SYN3: variants seen among roughly 807,000 people sequenced by gnomAD.
The protein encoded by SYN3 is synapsin III, also known as synapsin-3.
Under a neutral mutation model 65.8 loss-of-function variants are expected in SYN3, and 35 were observed. The ratio of observed to expected loss-of-function variants is 0.53; its 90% CI spans 0.41 to 0.70. The LOEUF (loss-of-function observed/expected upper bound fraction) is 0.70. Among genes scored for constraint, SYN3 ranks in the 30% least tolerant of loss-of-function variants. The pLI, the probability that SYN3 is intolerant of heterozygous loss-of-function variation, is 0.00. For missense variants in SYN3, 680 were observed against 749.0 expected (o/e 0.91, Z 1.08); for synonymous variants, 270 against 292.9 (o/e 0.92, Z 0.80).
chr22:32,830,775 A>T (rs951991751), intron 6 of SYN3, among the ~76,000 whole-genome samples: 25 of 151,980 alleles, frequency 1.6e-4, no homozygotes, highest in African/African-American at 5.8e-4. Flanking sequence ...CCGTGAGTGT[A>T]TCCGCCTCAC....
chr22:33,019,401 C>G (rs2053524893), intron 1 of SYN3, among the ~76,000 whole-genome samples: 1 of 152,156 alleles, frequency 6.6e-6, no homozygotes, highest in Non-Finnish European at 1.5e-5. Flanking sequence ...CAGACAGACT[C>G]TGGTTCCAAT....
intron 6 of SYN3, among the ~76,000 whole-genome samples, chr22:32,810,391 A>G (rs894368955): frequency 2.6e-5 from 4 of 152,266 alleles, no homozygotes; most frequent in East Asian, 3.9e-4. Context: ...ACAAGAAACT[A>G]TAAGTGTTTC....
intron 6 of SYN3, among the ~76,000 whole-genome samples, chr22:32,683,229 G>A (rs1249664033): frequency 3.9e-5 from 6 of 152,110 alleles, no homozygotes; most frequent in Admixed American, 6.5e-5. Context: ...TTTCTTCTGC[G>A]GAGGGGAGCG....
chr22:32,574,559 C>T (rs573214044), intron 7 of SYN3, among the ~76,000 whole-genome samples: 2 of 152,298 alleles, frequency 1.3e-5, no homozygotes, highest in African/African-American at 4.8e-5. Context: ...TAACATGCAC[C>T]TACAGGGGCT....
chr22:33,045,459 CTTTTTTTTTT>C (rs745442160), intron 1 of SYN3, among the ~76,000 whole-genome samples: 2 of 84,696 alleles, frequency 2.4e-5, no homozygotes, highest in Non-Finnish European at 2.4e-5. Flanking sequence ...GCTCTACTTT[CTTTTTTTTTT>C]TTTTTTTTTT....
intron 7 of SYN3, among the ~76,000 whole-genome samples, chr22:32,544,312 G>T (rs1465902489): frequency 6.6e-6 from 1 of 152,146 alleles, no homozygotes; most frequent in Non-Finnish European, 1.5e-5. Context: ...GCTTTTCATT[G>T]ATTCTTTATT....
intron 1 of SYN3, among the ~76,000 whole-genome samples, chr22:33,036,753 G>A (rs113705061): frequency 0.011 from 1,440 of 134,218 alleles, 9 homozygotes; most frequent in Middle Eastern, 0.025. Context: ...GGGCAATGCC[G>A]CGATCTCGGC....
intron 1 of SYN3, among the ~76,000 whole-genome samples, chr22:33,051,111 C>T (rs1044277567): frequency 1.3e-5 from 2 of 152,098 alleles, no homozygotes; most frequent in African/African-American, 4.8e-5. Context: ...AGGGAGAGAA[C>T]TGAGGCTCAG....
At chr22:32,632,072 A>G (rs1192949610) in intron 6 of SYN3, among the ~76,000 whole-genome samples, 1 of 152,222 alleles carries the variant, frequency 6.6e-6, no homozygotes, top group Non-Finnish European at 1.5e-5. Flanking sequence ...CCCTAGACAG[A>G]TAAAGGTCTT....
At chr22:32,985,999 G>A (rs1363892394) in intron 2 of SYN3, among the ~76,000 whole-genome samples, 10 of 151,820 alleles carry the variant, frequency 6.6e-5, no homozygotes, top group South Asian at 4.2e-4. Flanking sequence ...ACCACTTCAC[G>A]TTGTCATTAC....
At chr22:32,519,093 T>C (rs920608028) in intron 12 of SYN3, among the ~76,000 whole-genome samples, 3 of 152,138 alleles carry the variant, frequency 2.0e-5, no homozygotes, top group Non-Finnish European at 2.9e-5. Flanking sequence ...AGCACCTTGA[T>C]CTTGTACCTG....
intron 1 of SYN3, among the ~76,000 whole-genome samples, chr22:33,053,699 A>G (rs908488924): frequency 2.0e-5 from 3 of 152,140 alleles, no homozygotes; most frequent in Admixed American, 2.0e-4. Flanking sequence ...CAGCTTAAAC[A>G]TCACTATCTC....
At chr22:32,928,158 G>A (rs563408598) in intron 4 of SYN3, among the ~76,000 whole-genome samples, 17 of 152,020 alleles carry the variant, frequency 1.1e-4, no homozygotes, top group South Asian at 2.1e-4. Flanking sequence ...GTGAAACCCC[G>A]TCTGTACTAA....
intron 7 of SYN3, among the ~76,000 whole-genome samples, chr22:32,545,107 A>G (rs1188622255): frequency 6.6e-6 from 1 of 151,786 alleles, no homozygotes; most frequent in Non-Finnish European, 1.5e-5. Flanking sequence ...AGGGCTTTGT[A>G]CTCCTCGCTT....
chr22:32,541,164 C>T (rs1187910115), intron 8 of SYN3, among the ~76,000 whole-genome samples: 1 of 152,174 alleles, frequency 6.6e-6, no homozygotes, highest in Non-Finnish European at 1.5e-5. Context: ...TCTGCACCTC[C>T]CAGCCTCATG....
intron 4 of SYN3, among the ~76,000 whole-genome samples, chr22:32,892,657 G>A (rs1047322522): frequency 3.3e-5 from 5 of 152,130 alleles, no homozygotes; most frequent in African/African-American, 4.8e-5. Context: ...ATTCTGCTAG[G>A]TGGACATATA....
intron 4 of SYN3, among the ~76,000 whole-genome samples, chr22:32,907,057 G>A (rs1477703351): frequency 1.3e-5 from 2 of 152,104 alleles, no homozygotes; most frequent in Non-Finnish European, 2.9e-5. Flanking sequence ...GGTATTTCTG[G>A]TTCTAGATCA....
intron 6 of SYN3, among the ~76,000 whole-genome samples, chr22:32,770,310 C>A (rs779974303): frequency 6.6e-6 from 1 of 152,158 alleles, no homozygotes; most frequent in Non-Finnish European, 1.5e-5. Flanking sequence ...AGTGGTGATG[C>A]CTTCAGATGT....
chr22:32,544,132 C>T (rs1279950098), intron 7 of SYN3, among the ~76,000 whole-genome samples: 1 of 152,152 alleles, frequency 6.6e-6, no homozygotes, highest in African/African-American at 2.4e-5. Context: ...GAGACAGGGC[C>T]TCACTATGTT....
Sources: gnomAD v4.1 joint callset for allele counts (sites outside exome capture counted in the v4.1 genomes callset) on GRCh38, gnomAD v4.1.1 for gene constraint, MANE v1.5 for transcripts, NCBI Gene and HGNC (gene_info 2026-07-23, HGNC 2026-07-21) for gene names.